Variants in SPAG16 observed in about 807,000 individuals in gnomAD.
SPAG16 encodes sperm-associated antigen 16 protein.
In SPAG16, 86 loss-of-function variants were observed where a neutral mutation model predicts 80.4. The observed-to-expected ratio is 1.07, with a 90% confidence interval of 0.90 to 1.28. The LOEUF (loss-of-function observed/expected upper bound fraction) is 1.28, where lower values mean the gene tolerates loss of function less well. SPAG16 is among the 50% of genes most tolerant of loss of function. The pLI is 0.00. For synonymous variants in SPAG16, 294 were observed against 265.9 expected, an observed-to-expected ratio of 1.11 and a Z score of -1.03; for missense variants, 870 against 765.3, an observed-to-expected ratio of 1.14 and a Z score of -1.61.
chr2:213,377,652 T>TCTTACTTTTTCCTCTTACTTTTTCC, intron 9 of SPAG16, among the ~76,000 whole-genome samples: 1 of 152,126 alleles, frequency 6.6e-6, no homozygotes, highest in Non-Finnish European at 1.5e-5. Context: ...ACTTTTTCCC[T>TCTTACTTTTTCCTCTTACTTTTTCC]CTTACTTTTT....
chr2:213,411,908 A>G (rs2068988901), intron 9 of SPAG16, among the ~76,000 whole-genome samples: 2 of 152,096 alleles, frequency 1.3e-5, no homozygotes, highest in Non-Finnish European at 2.9e-5. Context: ...AAAAAGAAAA[A>G]AAGGTTTGAA....
chr2:213,639,410 T>C (rs1018495257), intron 10 of SPAG16, among the ~76,000 whole-genome samples: 3 of 152,226 alleles, frequency 2.0e-5, no homozygotes, highest in Non-Finnish European at 4.4e-5. Context: ...TTAGAGCTCC[T>C]TTTAGCAGTT....
intron 10 of SPAG16, among the ~76,000 whole-genome samples, chr2:213,640,061 T>C (rs1263640305): frequency 6.6e-6 from 1 of 152,180 alleles, no homozygotes; most frequent in Admixed American, 6.5e-5. Flanking sequence ...TGTATTTATC[T>C]AAGTGTGTCT....
intron 15 of SPAG16, among the ~76,000 whole-genome samples, chr2:214,316,676 A>G (rs1695719304): frequency 6.6e-6 from 1 of 152,216 alleles, no homozygotes; most frequent in African/African-American, 2.4e-5. Context: ...CCAAATTTGT[A>G]GATCCTCAAT....
intron 15 of SPAG16, among the ~76,000 whole-genome samples, chr2:214,346,853 G>A (rs1293702311): frequency 6.6e-6 from 1 of 152,154 alleles, no homozygotes. Context: ...TGAAACTACT[G>A]AATGATCTCT....
At chr2:213,511,736 C>T (rs1336040747) in intron 10 of SPAG16, among the ~76,000 whole-genome samples, 1 of 151,930 alleles carries the variant, frequency 6.6e-6, no homozygotes, top group Non-Finnish European at 1.5e-5. Context: ...GATTTCTTGC[C>T]TTTCAAAATT....
chr2:213,768,216 T>A (rs2069047654), intron 10 of SPAG16, among the ~76,000 whole-genome samples: 1 of 152,146 alleles, frequency 6.6e-6, no homozygotes, highest in African/African-American at 2.4e-5. Flanking sequence ...GGTAAAGGAC[T>A]GATGAAAGCA....
chr2:214,092,695 G>A (rs888708075), intron 13 of SPAG16, among the ~76,000 whole-genome samples: 2 of 151,932 alleles, frequency 1.3e-5, no homozygotes, highest in African/African-American at 4.8e-5. Flanking sequence ...TTGCCTGTCA[G>A]CTTCATACCC....
chr2:213,750,342 A>G lies in SPAG16; in HGVS notation c.1071-112143A>G, dbSNP rs116322976. Among the ~76,000 whole-genome samples the G allele has an allele frequency of 9.4e-3, 1,438 of 152,352 alleles. 8 individuals carry two copies. The highest frequency in any genetic ancestry group is 0.015 in the Non-Finnish European group (1,032 of 68,038). ...AACAGTGTAAAATGACAAGAGTTAC[A>G]TCGAAATATGTATCACAATTTCAAA... On this transcript the variant is annotated intron_variant, in intron 10 of 15. Transcript: ENST00000331683.
chr2:214,148,275 C>T (rs769870854), intron 14 of SPAG16, among the ~76,000 whole-genome samples: 7 of 152,102 alleles, frequency 4.6e-5, no homozygotes, highest in Non-Finnish European at 2.9e-5. Flanking sequence ...AAAGTAGATG[C>T]TCAATAAACA....
At chr2:213,648,423 G>A (rs6435780) in intron 10 of SPAG16, among the ~76,000 whole-genome samples, 49,592 of 152,016 alleles carry the variant, frequency 0.33, 8,520 homozygotes, top group Middle Eastern at 0.47. Context: ...ACCACACTTA[G>A]TGCCAACCAA....
At chr2:213,769,154 C>T (rs182277492) in intron 10 of SPAG16, among the ~76,000 whole-genome samples, 2 of 152,284 alleles carry the variant, frequency 1.3e-5, no homozygotes, top group East Asian at 3.9e-4. Flanking sequence ...TAAATCCAAA[C>T]ATGAGTTGAA....
chr2:213,702,519 C>G (rs866119424), intron 10 of SPAG16, among the ~76,000 whole-genome samples: 1 of 152,182 alleles, frequency 6.6e-6, no homozygotes, highest in African/African-American at 2.4e-5. Flanking sequence ...AGAACTGTAA[C>G]GCCGCGAGGG....
At chr2:213,501,336 C>T (rs2074734837) in intron 10 of SPAG16, among the ~76,000 whole-genome samples, 1 of 152,070 alleles carries the variant, frequency 6.6e-6, no homozygotes, top group African/African-American at 2.4e-5. Context: ...ATTTATTAAG[C>T]TGATAATATT....
chr2:213,720,851 T>G (rs548863509), intron 10 of SPAG16, among the ~76,000 whole-genome samples: 8 of 146,676 alleles, frequency 5.5e-5, no homozygotes, highest in Non-Finnish European at 1.2e-4. Flanking sequence ...GTTCAAGCGA[T>G]TCTCCTGCCT....
intron 8 of SPAG16, among the ~76,000 whole-genome samples, chr2:213,370,133 C>G (rs1431639292): frequency 6.6e-6 from 1 of 152,162 alleles, no homozygotes; most frequent in Non-Finnish European, 1.5e-5. Context: ...AGGGACTATG[C>G]ACAAGGATGT....
chr2:214,180,067 T>A lies in SPAG16; in HGVS notation c.1720+30801T>A, dbSNP rs561775745. Among the ~76,000 whole-genome samples the A allele has an allele frequency of 2.0e-5, 3 of 151,670 alleles. No homozygotes were observed. The Admixed American group carries it at 2.0e-4, about 10-fold the overall frequency. On this transcript the variant is annotated intron_variant, in intron 15 of 15. Transcript: ENST00000331683. ...GATAAATAATATTCTGCATCTTTCA[T>A]CCCTCCTTCCCATTTCATGACAAAC...
rs1047607835 is a variant in SPAG16, at chr2:214,216,612, G to A, written c.1720+67346G>A. ...TGGGATTACAGGCGTGAGCCACTGC[G>A]CCCGGCCAGTGCTGTGATTCTTAAA... On this transcript the variant is annotated intron_variant, in intron 15 of 15. Coordinates refer to ENST00000331683, the MANE Select transcript of SPAG16 (RefSeq NM_024532.5). Among the ~76,000 whole-genome samples the A allele has an allele frequency of 1.4e-4, 21 of 152,318 alleles. No individual in the cohort carries two copies. The East Asian group carries it at 2.1e-3, about 15-fold the overall frequency.
At chr2:214,238,661 A>G (rs986155933) in intron 15 of SPAG16, 7 of 149,976 alleles carry the variant, frequency 4.7e-5, no homozygotes, top group African/African-American at 1.7e-4. Context: ...ATACTAGATC[A>G]CTTACATAGT....
Sources: allele counts gnomAD v4.1 joint callset (sites outside exome capture counted in the v4.1 genomes callset), GRCh38; gene constraint gnomAD v4.1.1; transcripts MANE v1.5; gene names NCBI Gene and HGNC (gene_info 2026-07-23, HGNC 2026-07-21).